The following PXN variants were observed in gnomAD, a reference collection of about 807,000 sequenced individuals.
PXN encodes the protein paxillin.
PXN carries 61 observed loss-of-function variants against 103.6 expected under a neutral mutation model. The ratio of observed to expected loss-of-function variants is 0.59; its 90% CI spans 0.48 to 0.73. The LOEUF (loss-of-function observed/expected upper bound fraction) is 0.73. Among genes scored for constraint, PXN ranks in the 30% least tolerant of loss-of-function variants. The pLI, the probability that PXN is intolerant of heterozygous loss-of-function variation, is 0.00. For missense variants in PXN, 1,274 were observed against 1,460.3 expected, an observed-to-expected ratio of 0.87 and a Z score of 2.08; for synonymous variants, 562 against 607.8, an observed-to-expected ratio of 0.92 and a Z score of 1.11.
Position 120,217,761 on chromosome 12 carries a change from GT to G in PXN, c.1717-646del, listed in dbSNP as rs1174648481. ...CGCCTGGCTAATTTTTGTTGTTGTT[GT>G]TTTTTGTTTTTTTTTTTAGTAGAGA... On this transcript the variant is annotated intron_variant, in intron 7 of 14. Coordinates refer to ENST00000637617, the MANE Select transcript of PXN (RefSeq NM_001385981.1). This position sits in a 1 kb window ranked among gnomAD's most constrained non-coding sequence, Gnocchi z 4.1. Among the ~76,000 whole-genome samples, 1 of 150,164 alleles carries G rather than the reference GT, an allele frequency of 6.7e-6. No individual in the cohort carries two copies. The highest frequency in any genetic ancestry group is 1.5e-5 in the Non-Finnish European group (1 of 67,566).
Position 120,222,813 on chromosome 12 carries a change from C to T in PXN, c.493+50G>A, listed in dbSNP as rs1885585537. On this transcript the variant is annotated intron_variant, in intron 4 of 14. Coordinates refer to ENST00000637617, the MANE Select transcript of PXN (RefSeq NM_001385981.1). The surrounding 1 kb of genome is among the most constrained non-coding windows in gnomAD (Gnocchi z 4.7). ...AGCCCTCCTGGGATCTAGAGGTCAG[C>T]AGATGGGCCCTGGGCCCTGGTAGAC... 1.9e-6 allele frequency: 3 copies of T among 1,606,406 alleles called. No homozygotes were observed. Among genetic ancestry groups the T allele is most frequent in the Non-Finnish European group, 1.7e-6 (2 of 1,176,166 alleles).
In PXN at chr12:120,222,624, C is replaced by T. The variant is rs1420597087; in HGVS notation, c.620G>A (p.Gly207Asp). The T allele has an allele frequency of 1.9e-6, 3 of 1,609,576 alleles. No homozygotes were observed. The African/African-American group carries it at 4.0e-5, about 21-fold the overall frequency. The change falls in exon 5 of 15, where the codon GGC (glycine) becomes GAC (aspartate). Residue 207 changes from glycine to aspartate, a missense_variant. Coordinates refer to ENST00000637617, the MANE Select transcript of PXN (RefSeq NM_001385981.1). This position sits in a 1 kb window ranked among gnomAD's most constrained non-coding sequence, Gnocchi z 4.7. ...LTKEKPKRNG[G>D]RGLEDVRPSV... The stretch of plus-strand genomic sequence containing the variant: ...GGGCCGCACGTCCTCCAGGCCCCGG[C>T]CCCCATTCCGCTTAGGCTTCTCTTT...
chr12:120,213,708 A>G lies in PXN; in HGVS notation c.2979+134T>C, dbSNP rs1389469883. 1.6e-5 allele frequency: 20 copies of G among 1,273,482 alleles called. No homozygotes were observed. 78.9% of individuals were successfully genotyped at this position (1,273,482 alleles called of 1,614,324 possible). ...GGACCTACTGGACTGGAGGAAGGAG[A>G]TCCCCTGCCTGCTCCCCCAATTAAT... On this transcript the variant is annotated intron_variant, in intron 14 of 14. Transcript: ENST00000637617. This position sits in a 1 kb window ranked among gnomAD's most constrained non-coding sequence, Gnocchi z 4.2.
At position 120,219,288 on chromosome 12, in the gene PXN, G is replaced by T; in HGVS notation, c.1635C>A (p.Asp545Glu). ...ATGGAAGCTCTGGCTGTTCCTTCCC[G>T]TCCTGGGTGGCAGCTTCCGTGGTGC... The part of the protein sequence containing the change: ...PEGTTEAATQ[D>E]GKEQPELPCA... The change falls in exon 7 of 15, where the codon GAC (aspartate) becomes GAA (glutamate). Residue 545 changes from aspartate to glutamate, a missense_variant. By Grantham distance (45) the Asp-to-Glu change is conservative. Transcript: ENST00000637617. The surrounding 1 kb of genome is among the most constrained non-coding windows in gnomAD (Gnocchi z 6.5). 6.3e-7 allele frequency: 1 copy of T among 1,598,440 alleles called. No individual in the cohort carries two copies. The highest frequency in any genetic ancestry group is 1.1e-5 in the South Asian group (1 of 91,080).
In PXN at chr12:120,217,174, C is replaced by G. The variant is rs1016765719; in HGVS notation, c.1717-58G>C. 9.5e-6 allele frequency: 13 copies of G among 1,369,950 alleles called. No individual in the cohort carries two copies. Among genetic ancestry groups the G allele is most frequent in the African/African-American group, 1.4e-5 (1 of 69,782 alleles). The allele number at this position is 1,369,950 out of a possible 1,614,324, so 84.9% of individuals were successfully genotyped here. A position where few individuals can be genotyped will look rare whatever the true frequency, so the allele number is the denominator to read the frequency against. ...CCCACTCCCAGCTTGCACAACGCTG[C>G]TCAGGCCACACTCAGATGCCTCAGG... On this transcript the variant is annotated intron_variant, in intron 7 of 14. Coordinates refer to ENST00000637617, the MANE Select transcript of PXN (RefSeq NM_001385981.1). The surrounding 1 kb of genome is among the most constrained non-coding windows in gnomAD (Gnocchi z 4.1).
intron 1 of PXN, among the ~76,000 whole-genome samples, chr12:120,257,813 T>A (rs927055069): frequency 6.6e-5 from 10 of 152,148 alleles, no homozygotes; most frequent in African/African-American, 2.4e-4. Context: ...TGGCCACAGA[T>A]AAGGGGTTCA....
chr12:120,215,492 C>A lies in PXN; in HGVS notation c.2403+68G>T, dbSNP rs1276675704. 2.6e-6 allele frequency: 4 copies of A among 1,510,726 alleles called. No homozygotes were observed. Among genetic ancestry groups the A allele is most frequent in the South Asian group, 1.3e-5 (1 of 77,828 alleles). The allele number at this position is 1,510,726 out of a possible 1,614,324, so 93.6% of individuals were successfully genotyped here. On this transcript the variant is annotated intron_variant, in intron 10 of 14. Transcript: ENST00000637617. The surrounding 1 kb of genome is among the most constrained non-coding windows in gnomAD (Gnocchi z 4.9). ...CCAGGGTCGGAAAGGCTGAGGGCACCCAGCAGGCATGGCCAAGCCCAGGGA... is the reference window on the plus strand; with the variant it reads ...CCAGGGTCGGAAAGGCTGAGGGCACACAGCAGGCATGGCCAAGCCCAGGGA...
At position 120,229,889 on chromosome 12, in the gene PXN, C is replaced by T. The variant is rs1887656839; in HGVS notation, c.14-5512G>A. 6.6e-6 allele frequency among the ~76,000 whole-genome samples: 1 copy of T among 152,176 alleles called. No individual in the cohort carries two copies. The highest frequency in any genetic ancestry group is 2.1e-4 in the South Asian group (1 of 4,836). On this transcript the variant is annotated intron_variant, in intron 1 of 14. Coordinates refer to ENST00000637617, the MANE Select transcript of PXN (RefSeq NM_001385981.1). This position sits in a 1 kb window ranked among gnomAD's most constrained non-coding sequence, Gnocchi z 4.0. The stretch of plus-strand genomic sequence containing the variant: ...ACAGGCTGCCCTGCCACACCAGCCC[C>T]AGCGCCAGGGCCCCGTGGTCCCTGC...
intron 1 of PXN, among the ~76,000 whole-genome samples, chr12:120,259,350 C>G (rs1307195540): frequency 6.6e-6 from 1 of 152,134 alleles, no homozygotes; most frequent in Admixed American, 6.6e-5. Context: ...CAAGATCGCG[C>G]TGCTGCACTC....
In PXN at chr12:120,219,884, T is replaced by C. The variant is rs768933754; in HGVS notation, c.1039A>G (p.Ser347Gly). The C allele has an allele frequency of 1.1e-5, 18 of 1,598,260 alleles. No homozygotes were observed. The highest frequency in any genetic ancestry group is 1.4e-5 in the Non-Finnish European group (17 of 1,179,800). ...CCAAGACCAGCCAAATCAAGCCAGC[T>C]GGGGGCTACAGGAGGTAGAAGGCCT... ...GRGLLPPVAPSWLDLAGLGVM... is the reference protein window; with the variant it reads ...GRGLLPPVAPGWLDLAGLGVM... Residue 347 changes from serine (S) to glycine (G), a missense_variant, in exon 7 of 15, where the codon AGC (serine) becomes GGC (glycine). Physicochemically the swap from Ser to Gly is moderately conservative, Grantham distance 56. Transcript: ENST00000637617. The surrounding 1 kb of genome is among the most constrained non-coding windows in gnomAD (Gnocchi z 6.5).
Position 120,219,581 on chromosome 12 carries a change from T to G in PXN, c.1342A>C (p.Arg448=). 6.4e-7 allele frequency: 1 copy of G among 1,569,712 alleles called. No individual in the cohort carries two copies. Among genetic ancestry groups the G allele is most frequent in the Non-Finnish European group, 8.6e-7 (1 of 1,165,316 alleles). The change falls in exon 7 of 15, where the codon AGA becomes CGA. Residue 448 remains arginine (R), a synonymous_variant. Transcript: ENST00000637617. This position sits in a 1 kb window ranked among gnomAD's most constrained non-coding sequence, Gnocchi z 6.5. ...CGAGCAGCTCCAGAGGGGGGCATTC[T>G]CTCAGGCCCGAATACCTCCGAAGCC... is the stretch of plus-strand genomic sequence containing the variant. ...PWASEVFGPE[R]MPPSGAARSF... is the part of the protein sequence containing the mutation.
intron 1 of PXN, among the ~76,000 whole-genome samples, chr12:120,240,182 AATAAG>A (rs1177063964): frequency 6.6e-6 from 1 of 152,156 alleles, no homozygotes; most frequent in Non-Finnish European, 1.5e-5. Flanking sequence ...TAGAGGAACA[AATAAG>A]ATAACAATCA....
chr12:120,261,268 G>A (rs960512341), intron 1 of PXN, among the ~76,000 whole-genome samples: 1 of 152,170 alleles, frequency 6.6e-6, no homozygotes, highest in Non-Finnish European at 1.5e-5. Flanking sequence ...TCGGCTTACT[G>A]CAATCTCTGC....
Position 120,212,830 on chromosome 12 carries a change from C to T in PXN, c.2980-250G>A, listed in dbSNP as rs1366983847. 4 of 403,704 alleles carry T rather than the reference C, an allele frequency of 9.9e-6. No individual in the cohort carries two copies. Among genetic ancestry groups the T allele is most frequent in the Non-Finnish European group, 1.8e-5 (4 of 226,434 alleles). 25.0% of individuals were successfully genotyped at this position (403,704 alleles called of 1,614,324 possible). A position where few individuals can be genotyped will look rare whatever the true frequency, so the allele number is the denominator to read the frequency against. On this transcript the variant is annotated intron_variant, in intron 14 of 14. Transcript: ENST00000637617. This position sits in a 1 kb window ranked among gnomAD's most constrained non-coding sequence, Gnocchi z 7.2. ...ATGTGGCCTCCTGCAATCCTCCCACCTCGGCCTCCCACAGGGCTGGGATTA... is the reference window on the plus strand; with the variant it reads ...ATGTGGCCTCCTGCAATCCTCCCACTTCGGCCTCCCACAGGGCTGGGATTA...
chr12:120,219,888 G>A lies in PXN; in HGVS notation c.1035C>T (p.Ala345=). 6.3e-7 allele frequency: 1 copy of A among 1,598,438 alleles called. No homozygotes were observed. Among genetic ancestry groups the A allele is most frequent in the Non-Finnish European group, 8.5e-7 (1 of 1,179,796 alleles). ...QSGRGLLPPV[A]PSWLDLAGLG... is the part of the protein sequence containing the mutation. The stretch of plus-strand genomic sequence containing the variant: ...GACCAGCCAAATCAAGCCAGCTGGG[G>A]GCTACAGGAGGTAGAAGGCCTCGTC... Residue 345 remains alanine, a synonymous_variant, in exon 7 of 15, where the codon GCC becomes GCT. Coordinates refer to ENST00000637617, the MANE Select transcript of PXN (RefSeq NM_001385981.1). This position sits in a 1 kb window ranked among gnomAD's most constrained non-coding sequence, Gnocchi z 6.5.
chr12:120,222,874 C>T lies in PXN; in HGVS notation c.482G>A (p.Gly161Asp). 6.2e-7 allele frequency: 1 copy of T among 1,613,768 alleles called. No individual in the cohort carries two copies. The highest frequency in any genetic ancestry group is 8.5e-7 in the Non-Finnish European group (1 of 1,179,790). ...ELNAVQHNPPGFPADEANSSP... is the reference protein window; with the variant it reads ...ELNAVQHNPPDFPADEANSSP... ...GGACCCGGTCCTACCTGCAGGGAAG[C>T]CTGGCGGGTTATGCTGTACAGCGTT... is the stretch of plus-strand genomic sequence containing the variant. The change falls in exon 4 of 15, where the codon GGC (glycine) becomes GAC (aspartate). Residue 161 changes from glycine (G) to aspartate (D), a missense_variant. Around this residue, in one of 2 missense-constraint regions of PXN, gnomAD observed 1,178 missense variants for 1,309.0 expected, o/e 0.90. Transcript: ENST00000637617. This position sits in a 1 kb window ranked among gnomAD's most constrained non-coding sequence, Gnocchi z 4.7.
rs1036936861 is a variant in PXN, at chr12:120,229,714, G to A, written c.14-5337C>T. On this transcript the variant is annotated intron_variant, in intron 1 of 14. Transcript: ENST00000637617. This position sits in a 1 kb window ranked among gnomAD's most constrained non-coding sequence, Gnocchi z 4.0. ...AAATAGATTACAAGCTTCTTCCCAG[G>A]GAGGTGTTAAGCCCTAGGAGGGGAA... Among the ~76,000 whole-genome samples the A allele has an allele frequency of 6.6e-6, 1 of 152,178 alleles. No homozygotes were observed. Among genetic ancestry groups the A allele is most frequent in the South Asian group, 2.1e-4 (1 of 4,832 alleles).
chr12:120,261,374 A>C (rs1304327921), intron 1 of PXN, among the ~76,000 whole-genome samples: 1 of 152,102 alleles, frequency 6.6e-6, no homozygotes, highest in African/African-American at 2.4e-5. Flanking sequence ...TATTTTTAGT[A>C]GAGATTGGGT....
intron 1 of PXN, among the ~76,000 whole-genome samples, chr12:120,260,544 A>C (rs1893720023): frequency 1.3e-5 from 2 of 151,988 alleles, no homozygotes; most frequent in African/African-American, 4.8e-5. Flanking sequence ...AGCTGCAGAG[A>C]ACAGGGAAAT....
Sources: gnomAD v4.1 joint callset for allele counts (sites outside exome capture counted in the v4.1 genomes callset) on GRCh38, gnomAD v4.1.1 for gene constraint, gnomAD v4.1.1 regional missense constraint, Gnocchi (gnomAD v3.1) non-coding constraint, MANE v1.5 for transcripts, NCBI Gene and HGNC (gene_info 2026-07-23, HGNC 2026-07-21) for gene names.